The following LINGO2 variants were observed in gnomAD, a reference collection of about 807,000 sequenced individuals.
LINGO2 encodes the protein leucine-rich repeat and immunoglobulin-like domain-containing nogo receptor-interacting protein 2.
In LINGO2, 14 loss-of-function variants were observed where a neutral mutation model predicts 30.6. The ratio of observed to expected loss-of-function variants is 0.46; its 90% CI spans 0.30 to 0.72. LINGO2 has a LOEUF of 0.72. LINGO2 is among the 30% of genes least tolerant of loss of function. The pLI is 0.07. For missense variants in LINGO2, 729 were observed against 751.7 expected (o/e 0.97, Z 0.35); for synonymous variants, 317 against 288.5 (o/e 1.10, Z -1.00).
chr9:28,152,401 C>T (rs1175545382), intron 4 of LINGO2, among the ~76,000 whole-genome samples: 2 of 152,132 alleles, frequency 1.3e-5, no homozygotes, highest in Non-Finnish European at 2.9e-5. Context: ...TGAGGCTCTC[C>T]TCAGTTGCAG....
At chr9:28,228,396 A>G (rs553786415) in intron 4 of LINGO2, among the ~76,000 whole-genome samples, 1 of 152,140 alleles carries the variant, frequency 6.6e-6, no homozygotes, top group South Asian at 2.1e-4. Context: ...ACTAAATCAG[A>G]TCCATTTGGC....
At chr9:29,118,052 G>A in the LINGO2 span, among the ~76,000 whole-genome samples, 1 of 152,080 alleles carries the variant, frequency 6.6e-6, no homozygotes, top group African/African-American at 2.4e-5. Context: ...CATGAAAATT[G>A]TTGACCAAGA....
At chr9:28,226,702 A>G (rs1587270553) in intron 4 of LINGO2, among the ~76,000 whole-genome samples, 1 of 151,004 alleles carries the variant, frequency 6.6e-6, no homozygotes, top group East Asian at 2.0e-4. Flanking sequence ...AAAGAAAGAA[A>G]GAGAAAGAGA....
At position 28,334,116 on chromosome 9, in the gene LINGO2, A is replaced by G. The variant is rs10968516; in HGVS notation, c.-246+38720T>C. On this transcript the variant is annotated intron_variant, in intron 3 of 5. Coordinates refer to ENST00000379992, the Ensembl canonical transcript of LINGO2. ...TTCTGCTCTGAAGCCTTCTCTGAAC[A>G]TAGAGTAGCTTCCCTGGTGGGTGAA... 8.0e-3 allele frequency among the ~76,000 whole-genome samples: 1,224 copies of G among 152,250 alleles called. 113 individuals carry two copies. The East Asian group carries it at 0.19, about 24-fold the overall frequency.
intron 3 of LINGO2, among the ~76,000 whole-genome samples, chr9:28,366,875 C>T (rs1820699166): frequency 6.6e-6 from 1 of 151,810 alleles, no homozygotes; most frequent in Admixed American, 6.6e-5. Flanking sequence ...ATAATAATAA[C>T]CTGCTTTATT....
intron 4 of LINGO2, among the ~76,000 whole-genome samples, chr9:28,265,039 C>A (rs1822697028): frequency 6.6e-6 from 1 of 152,022 alleles, no homozygotes; most frequent in Admixed American, 6.6e-5. Flanking sequence ...CTCAAGATGA[C>A]AATATCAAAT....
the LINGO2 span, among the ~76,000 whole-genome samples, chr9:29,013,983 C>CT: frequency 1.3e-5 from 2 of 152,054 alleles, no homozygotes; most frequent in African/African-American, 4.8e-5. Flanking sequence ...ATTTGACATT[C>CT]TTTTTTTGGT....
rs1449945562 is a variant in LINGO2 at position 28,130,583 on chromosome 9, C to T, written c.-86-118178G>A. Among the ~76,000 whole-genome samples, 1 of 152,000 alleles carries T rather than the reference C, an allele frequency of 6.6e-6. No homozygotes were observed. Among genetic ancestry groups the T allele is most frequent in the African/African-American group, 2.4e-5 (1 of 41,378 alleles). ...ACAATATAGCTGGAGAAACAGAACA[C>T]CTACATGTAAAGATATAACCAATGT... On this transcript the variant is annotated intron_variant, in intron 4 of 5. Transcript: ENST00000379992. The surrounding 1 kb of genome is among the most constrained non-coding windows in gnomAD (Gnocchi z 5.2).
At chr9:29,013,012 G>C in the LINGO2 span, among the ~76,000 whole-genome samples, 1 of 152,128 alleles carries the variant, frequency 6.6e-6, no homozygotes, top group South Asian at 2.1e-4. Flanking sequence ...GCCATCCCAA[G>C]ATGACTGTCT....
rs34169188 is a variant in LINGO2, at chr9:28,206,164, CAAAAAAAA to C, written c.-87+89036_-87+89043del. Among the ~76,000 whole-genome samples, 154 of 73,536 alleles carry C rather than the reference CAAAAAAAA, an allele frequency of 2.1e-3. 2 individuals carry two copies. Among genetic ancestry groups the C allele is most frequent in the African/African-American group, 3.4e-3 (59 of 17,528 alleles). The allele number at this position is 73,536 out of a possible 152,430, so 48.2% of individuals were successfully genotyped here. On this transcript the variant is annotated intron_variant, in intron 4 of 5. Coordinates refer to ENST00000379992, the Ensembl canonical transcript of LINGO2. ...TGAGTGACAGAGTGAGACCCTGTTT[CAAAAAAAA>C]AAAAAAAAAAAAAAAAAAGGAGGAA...
chr9:29,073,850 G>C, the LINGO2 span, among the ~76,000 whole-genome samples: 1 of 152,170 alleles, frequency 6.6e-6, no homozygotes, highest in African/African-American at 2.4e-5. Flanking sequence ...TATTTGACAA[G>C]TTGGATATCG....
intron 4 of LINGO2, among the ~76,000 whole-genome samples, chr9:28,041,057 G>A (rs745929403): frequency 1.4e-4 from 21 of 152,148 alleles, no homozygotes; most frequent in Non-Finnish European, 2.6e-4. Context: ...CAGCACTACT[G>A]TTAGCATTTC....
chr9:28,004,598 CTAATAGTTGATAAATAG>C (rs1406181276), intron 5 of LINGO2, among the ~76,000 whole-genome samples: 1 of 151,772 alleles, frequency 6.6e-6, no homozygotes, highest in Non-Finnish European at 1.5e-5. Flanking sequence ...GACATATCAA[CTAATAGTTGATAAATAG>C]TGTGATAAGT....
the LINGO2 span, among the ~76,000 whole-genome samples, chr9:28,714,657 C>T: frequency 3.7e-4 from 57 of 152,182 alleles, no homozygotes; most frequent in South Asian, 0.011. Flanking sequence ...ATTTTGGGCT[C>T]TTCTCTATTA....
intron 1 of LINGO2, among the ~76,000 whole-genome samples, chr9:28,534,437 T>C (rs940054448): frequency 1.9e-4 from 29 of 152,188 alleles, no homozygotes; most frequent in African/African-American, 6.5e-4. Context: ...AGGAGTACAT[T>C]TGGATCCTCT....
chr9:28,389,100 C>T (rs891426052), intron 2 of LINGO2, among the ~76,000 whole-genome samples: 13 of 152,068 alleles, frequency 8.5e-5, no homozygotes, highest in African/African-American at 2.7e-4. Context: ...GTAGCTACAG[C>T]CCTTTATGTC....
chr9:28,471,626 C>A (rs2135172123), intron 2 of LINGO2, among the ~76,000 whole-genome samples: 1 of 152,046 alleles, frequency 6.6e-6, no homozygotes, highest in Non-Finnish European at 1.5e-5. Flanking sequence ...CACAGTATAC[C>A]CAACAGAACA....
chr9:28,231,828 C>T (rs1316315606), intron 4 of LINGO2, among the ~76,000 whole-genome samples: 2 of 151,912 alleles, frequency 1.3e-5, no homozygotes, highest in South Asian at 4.2e-4. Flanking sequence ...ACTAAGCATG[C>T]ACAAAAATGG....
At chr9:28,514,244 G>T (rs552368921) in intron 1 of LINGO2, among the ~76,000 whole-genome samples, 2 of 152,120 alleles carry the variant, frequency 1.3e-5, no homozygotes, top group African/African-American at 4.8e-5. Context: ...TTAGGCCAAT[G>T]AGTAACCCTA....
Sources: allele counts gnomAD v4.1 joint callset (sites outside exome capture counted in the v4.1 genomes callset), GRCh38; gene constraint gnomAD v4.1.1; non-coding constraint Gnocchi (gnomAD v3.1); transcripts MANE v1.5; gene names NCBI Gene and HGNC (gene_info 2026-07-23, HGNC 2026-07-21).